Variants in PTPRT observed in about 807,000 individuals in gnomAD.
The protein encoded by PTPRT is protein tyrosine phosphatase receptor type T.
PTPRT carries 56 observed loss-of-function variants against 176.8 expected under a neutral mutation model. That is an observed-to-expected ratio of 0.32 (90% CI 0.26 to 0.40). The LOEUF (loss-of-function observed/expected upper bound fraction) is 0.40. Among genes scored for constraint, PTPRT ranks in the 10% least tolerant of loss-of-function variants. The pLI, the probability that PTPRT is intolerant of heterozygous loss-of-function variation, is 1.00. For synonymous variants in PTPRT, 783 were observed against 739.0 expected (o/e 1.06, Z -0.96); for missense variants, 1,540 against 1,908.2 (o/e 0.81, Z 3.60).
chr20:42,430,753 A>T (rs6030229), intron 9 of PTPRT, among the ~76,000 whole-genome samples: 1 of 152,018 alleles, frequency 6.6e-6, no homozygotes, highest in Admixed American at 6.6e-5. Flanking sequence ...GTCTCCAGCA[A>T]GTCCTTGGAG....
chr20:42,451,825 T>A (rs920814671), intron 8 of PTPRT, among the ~76,000 whole-genome samples: 1 of 152,062 alleles, frequency 6.6e-6, no homozygotes, highest in Admixed American at 6.6e-5. Flanking sequence ...TGAAGAGGGT[T>A]GAGAAGAGAG....
At chr20:42,500,657 C>T (rs908269681) in intron 7 of PTPRT, among the ~76,000 whole-genome samples, 2 of 152,146 alleles carry the variant, frequency 1.3e-5, no homozygotes, top group East Asian at 1.9e-4. Flanking sequence ...ATCCCTTCCT[C>T]ACTTTCCCTT....
At chr20:42,551,958 A>G (rs2072778485) in intron 7 of PTPRT, among the ~76,000 whole-genome samples, 1 of 152,140 alleles carries the variant, frequency 6.6e-6, no homozygotes, top group Non-Finnish European at 1.5e-5. Flanking sequence ...ATTACCACCT[A>G]TACATGAAGG....
intron 7 of PTPRT, among the ~76,000 whole-genome samples, chr20:42,534,316 C>T (rs1000823796): frequency 3.3e-5 from 5 of 152,178 alleles, no homozygotes; most frequent in African/African-American, 9.7e-5. Context: ...ACAAGGACAG[C>T]ATCTTGCATG....
chr20:42,743,314 C>T (rs2076639305), intron 6 of PTPRT, among the ~76,000 whole-genome samples: 1 of 152,134 alleles, frequency 6.6e-6, no homozygotes, highest in East Asian at 1.9e-4. Context: ...AGGCCAAATC[C>T]TAGCCTCCTT....
chr20:42,035,816 T>G, the PTPRT span, among the ~76,000 whole-genome samples: 28 of 152,324 alleles, frequency 1.8e-4, no homozygotes, highest in Admixed American at 8.5e-4. Flanking sequence ...GGGTTGTTTT[T>G]ATGCATCCCT....
intron 5 of PTPRT, among the ~76,000 whole-genome samples, chr20:42,761,500 C>G (rs900578079): frequency 6.6e-6 from 1 of 152,148 alleles, no homozygotes; most frequent in African/African-American, 2.4e-5. Flanking sequence ...ATTCCCAGAC[C>G]TAATGAATCA....
chr20:42,797,961 A>G (rs549623488), intron 2 of PTPRT, among the ~76,000 whole-genome samples: 4 of 152,210 alleles, frequency 2.6e-5, no homozygotes, highest in Admixed American at 6.5e-5. Flanking sequence ...AATGTACCCC[A>G]GTGTGACCCA....
At chr20:42,330,211 C>T (rs1313873296) in intron 11 of PTPRT, among the ~76,000 whole-genome samples, 1 of 152,222 alleles carries the variant, frequency 6.6e-6, no homozygotes, top group East Asian at 1.9e-4. Flanking sequence ...TGGCTCATGC[C>T]TGTAATCCCA....
chr20:42,652,463 G>A (rs186738766), intron 7 of PTPRT, among the ~76,000 whole-genome samples: 10 of 152,258 alleles, frequency 6.6e-5, no homozygotes, highest in Admixed American at 2.0e-4. Flanking sequence ...TTTCCAGCCT[G>A]CATCTGGTTA....
intron 1 of PTPRT, among the ~76,000 whole-genome samples, chr20:43,078,149 T>C (rs930914962): frequency 6.6e-6 from 1 of 152,236 alleles, no homozygotes; most frequent in African/African-American, 2.4e-5. Context: ...GTACAGTTCC[T>C]GGCACAGAGT....
intron 9 of PTPRT, among the ~76,000 whole-genome samples, chr20:42,410,335 A>G (rs1477321918): frequency 6.6e-6 from 1 of 152,192 alleles, no homozygotes; most frequent in Non-Finnish European, 1.5e-5. Flanking sequence ...CCAACAGCTA[A>G]TAAAATCAAT....
chr20:42,797,611 T>A (rs2077470797), intron 2 of PTPRT, among the ~76,000 whole-genome samples: 1 of 146,240 alleles, frequency 6.8e-6, no homozygotes, highest in East Asian at 2.2e-4. Context: ...GATGTCCATA[T>A]CCTAATATTT....
At chr20:42,654,336 A>G (rs2425503) in intron 7 of PTPRT, among the ~76,000 whole-genome samples, 73,298 of 151,958 alleles carry the variant, frequency 0.48, 19,189 homozygotes, top group Middle Eastern at 0.58. Flanking sequence ...AAAACAAAAA[A>G]CAAAAAACAA....
chr20:42,132,277 T>C (rs59458271), intron 18 of PTPRT, among the ~76,000 whole-genome samples: 4,838 of 152,292 alleles, frequency 0.032, 247 homozygotes, highest in African/African-American at 0.11. Context: ...AATTGATCTC[T>C]CTTAGCTTTG....
At position 42,073,248 on chromosome 20, in the gene PTPRT, A is replaced by T. The variant is rs1166214409; in HGVS notation, c.*7631T>A. On this transcript the variant is annotated 3_prime_UTR_variant, in exon 31 of 31. Transcript: ENST00000373187. ...AGAAGCCAAGGCAATGGTAGAGGCC[A>T]CAACTCTTTGTCTTTGATTGGCTAG... 1 of 189,546 alleles carries T rather than the reference A, an allele frequency of 5.3e-6. No individual in the cohort carries two copies. The highest frequency in any genetic ancestry group is 2.3e-5 in the African/African-American group (1 of 42,842). 11.7% of individuals were successfully genotyped at this position (189,546 alleles called of 1,614,324 possible).
chr20:42,226,399 A>C (rs1312651296), intron 15 of PTPRT, among the ~76,000 whole-genome samples: 7 of 152,224 alleles, frequency 4.6e-5, no homozygotes, highest in Non-Finnish European at 8.8e-5. Context: ...TGGCACAGTC[A>C]TCTATCTAAT....
chr20:42,512,901 C>T (rs2071984382), intron 7 of PTPRT, among the ~76,000 whole-genome samples: 1 of 151,910 alleles, frequency 6.6e-6, no homozygotes. Flanking sequence ...CTCTTGTTGC[C>T]CAGACTGGAG....
At chr20:42,712,331 G>A (rs1172448087) in intron 6 of PTPRT, among the ~76,000 whole-genome samples, 1 of 152,050 alleles carries the variant, frequency 6.6e-6, no homozygotes, top group Non-Finnish European at 1.5e-5. Flanking sequence ...TGTTAGCCCT[G>A]ATTTTAAGAG....
Sources: allele counts gnomAD v4.1 joint callset (sites outside exome capture counted in the v4.1 genomes callset), GRCh38; gene constraint gnomAD v4.1.1; transcripts MANE v1.5; gene names NCBI Gene and HGNC (gene_info 2026-07-23, HGNC 2026-07-21).